Variants in NCAM1 observed in about 807,000 individuals in gnomAD.
NCAM1 encodes neural cell adhesion molecule 1.
In NCAM1, 14 loss-of-function variants were observed where a neutral mutation model predicts 109.8. The ratio of observed to expected loss-of-function variants is 0.13; its 90% CI spans 0.08 to 0.20. The LOEUF is 0.20. NCAM1 is among the 10% of genes least tolerant of loss of function. The pLI, the probability that NCAM1 is intolerant of heterozygous loss-of-function variation, is 1.00. For synonymous variants in NCAM1, 418 were observed against 442.9 expected, an observed-to-expected ratio of 0.94 and a Z score of 0.70; for missense variants, 774 against 1,109.9, an observed-to-expected ratio of 0.70 and a Z score of 4.30.
At chr11:113,216,373 C>T (rs930441074) in intron 8 of NCAM1, among the ~76,000 whole-genome samples, 6 of 151,842 alleles carry the variant, frequency 4.0e-5, no homozygotes, top group African/African-American at 1.2e-4. Flanking sequence ...AGGATGGTCT[C>T]GATCTCCTGA....
At chr11:113,202,342 G>GTTTTT (rs374829054) in intron 1 of NCAM1, 37 bp from the exon 2 acceptor site, 3 of 1,142,120 alleles carry the variant, frequency 2.6e-6, no homozygotes, top group Admixed American at 2.4e-5. Flanking sequence ...GTTTTTTTTT[G>GTTTTT]TTTTTTGTTT....
intron 1 of NCAM1, among the ~76,000 whole-genome samples, chr11:113,012,512 T>G (rs1555074689): frequency 1.3e-5 from 2 of 152,186 alleles, no homozygotes; most frequent in East Asian, 1.9e-4. Flanking sequence ...CATTCTCTTA[T>G]AGCATCTGGG....
Position 113,273,135 on chromosome 11 carries a change from C to G in NCAM1, c.2456+1259C>G. On this transcript the variant is annotated intron_variant, in intron 19 of 19. Transcript: ENST00000316851. This position sits in a 1 kb window ranked among gnomAD's most constrained non-coding sequence, Gnocchi z 6.0. ...CTCTGTACCGGCTGGCCAGGCCACC[C>G]CTTCCAAGGGGCCCAGCGCCTCTGC... 1 of 447,400 alleles carries G rather than the reference C, an allele frequency of 2.2e-6. No individual in the cohort carries two copies. Among genetic ancestry groups the G allele is most frequent in the South Asian group, 1.6e-5 (1 of 63,444 alleles). 27.7% of individuals were successfully genotyped at this position (447,400 alleles called of 1,614,324 possible).
At chr11:113,129,111 T>G (rs1466562459) in intron 1 of NCAM1, among the ~76,000 whole-genome samples, 9 of 152,088 alleles carry the variant, frequency 5.9e-5, no homozygotes, top group Admixed American at 5.2e-4. Context: ...ACCTGATAGG[T>G]GAAGTCTGGG....
intron 1 of NCAM1, among the ~76,000 whole-genome samples, chr11:113,097,422 T>C (rs1939650295): frequency 6.6e-6 from 1 of 152,262 alleles, no homozygotes; most frequent in South Asian, 2.1e-4. Flanking sequence ...ATTGAGTAAG[T>C]TTGTTGAGTT....
chr11:113,185,837 T>C (rs1943492404), intron 1 of NCAM1, among the ~76,000 whole-genome samples: 1 of 152,192 alleles, frequency 6.6e-6, no homozygotes, highest in East Asian at 1.9e-4. Context: ...TGAGGAGCTC[T>C]TTAAAACTAG....
intron 1 of NCAM1, among the ~76,000 whole-genome samples, chr11:113,103,602 A>G (rs1939978469): frequency 1.3e-5 from 2 of 152,110 alleles, no homozygotes; most frequent in African/African-American, 2.4e-5. Context: ...CCCAGTGATA[A>G]TGGGTGGGTT....
At chr11:113,126,147 C>A (rs1190898272) in intron 1 of NCAM1, among the ~76,000 whole-genome samples, 147 of 83,934 alleles carry the variant, frequency 1.8e-3, no homozygotes, top group African/African-American at 5.0e-3. Context: ...CAGAGTGATA[C>A]CCTTTCTCAA....
At chr11:113,028,311 T>C (rs1269321069) in intron 1 of NCAM1, among the ~76,000 whole-genome samples, 2 of 152,292 alleles carry the variant, frequency 1.3e-5, no homozygotes, top group East Asian at 3.9e-4. Context: ...TGAACAATTA[T>C]TATGTGTCAA....
intron 5 of NCAM1, 39 bp downstream of exon 5, chr11:113,206,219 C>T (rs369100140): frequency 1.3e-6 from 2 of 1,554,962 alleles, no homozygotes; most frequent in African/African-American, 2.8e-5. Context: ...TGCATTGCTA[C>T]AACCTTGGTT....
chr11:113,146,520 A>G (rs1224005150), intron 1 of NCAM1, among the ~76,000 whole-genome samples: 1 of 152,250 alleles, frequency 6.6e-6, no homozygotes, highest in Non-Finnish European at 1.5e-5. Flanking sequence ...TAATGAAGTT[A>G]ACTTCTTTTC....
chr11:113,135,930 G>A (rs1941580512), intron 1 of NCAM1, among the ~76,000 whole-genome samples: 2 of 152,154 alleles, frequency 1.3e-5, no homozygotes, highest in Admixed American at 1.3e-4. Flanking sequence ...TCTCCCTTGT[G>A]GTTTCATTTA....
chr11:112,968,648 A>G (rs1555066149), intron 1 of NCAM1, among the ~76,000 whole-genome samples: 4 of 152,200 alleles, frequency 2.6e-5, no homozygotes, highest in Non-Finnish European at 1.5e-5. Flanking sequence ...GTACAGAGAA[A>G]TATAGACATT....
At chr11:112,986,125 T>C (rs1555069616) in intron 1 of NCAM1, among the ~76,000 whole-genome samples, 1 of 152,036 alleles carries the variant, frequency 6.6e-6, no homozygotes, top group African/African-American at 2.4e-5. Flanking sequence ...CACAAAAGAA[T>C]GTTGAATTTT....
intron 1 of NCAM1, among the ~76,000 whole-genome samples, chr11:113,089,360 A>G (rs1334837816): frequency 2.3e-5 from 3 of 133,036 alleles, no homozygotes; most frequent in Non-Finnish European, 3.3e-5. Flanking sequence ...TTGAAACTAA[A>G]AAATAGAGTG....
chr11:113,143,666 A>C (rs1941912794), intron 1 of NCAM1, among the ~76,000 whole-genome samples: 1 of 152,234 alleles, frequency 6.6e-6, no homozygotes, highest in Admixed American at 6.5e-5. Flanking sequence ...TAAATAATTG[A>C]TTAATCATCC....
chr11:113,236,382 A>T (rs373947325), intron 14 of NCAM1: 2 of 1,561,698 alleles, frequency 1.3e-6, no homozygotes, highest in African/African-American at 2.7e-5. Context: ...CTAGTTCGTA[A>T]TTTAGTTCTG....
intron 1 of NCAM1, among the ~76,000 whole-genome samples, chr11:112,985,767 G>A (rs920977832): frequency 9.9e-5 from 15 of 151,852 alleles, no homozygotes; most frequent in African/African-American, 3.4e-4. Flanking sequence ...GTATCCTGCA[G>A]TTTCACTGAA....
intron 1 of NCAM1, among the ~76,000 whole-genome samples, chr11:113,029,487 T>G (rs889591228): frequency 3.9e-5 from 6 of 152,192 alleles, no homozygotes; most frequent in Admixed American, 3.3e-4. Context: ...GTATTGATAC[T>G]TTTGTGCAAT....
Sources: gnomAD v4.1 joint callset for allele counts (sites outside exome capture counted in the v4.1 genomes callset) on GRCh38, gnomAD v4.1.1 for gene constraint, Gnocchi (gnomAD v3.1) non-coding constraint, MANE v1.5 for transcripts, NCBI Gene and HGNC (gene_info 2026-07-23, HGNC 2026-07-21) for gene names.